Variants in CPAP observed in about 807,000 individuals in gnomAD.
CPAP encodes the protein centrosomal P4.1-associated protein.
At chr13:24,889,234 G>T in the CPAP span, 2 of 959,838 alleles carry the variant, frequency 2.1e-6, no homozygotes. Context: ...CATTTATTAA[G>T]AAATGTTTTA....
the CPAP span, chr13:24,906,182 T>C: frequency 1.2e-6 from 2 of 1,613,838 alleles, no homozygotes; most frequent in Non-Finnish European, 1.7e-6. Flanking sequence ...TGGCACAGCT[T>C]TGACAGGGGT....
the CPAP span, chr13:24,905,991 A>C: frequency 5.6e-6 from 9 of 1,614,114 alleles, no homozygotes; most frequent in Admixed American, 1.7e-5. Context: ...TGATTTTCAG[A>C]AGTGCTCTTT....
the CPAP span, chr13:24,892,858 G>C: frequency 6.3e-7 from 1 of 1,580,604 alleles, no homozygotes; most frequent in Admixed American, 1.7e-5. Context: ...GCTATTTGCT[G>C]TTTTAAAGTC....
the CPAP span, among the ~76,000 whole-genome samples, chr13:24,930,527 G>C: frequency 1.3e-5 from 2 of 152,094 alleles, no homozygotes; most frequent in Non-Finnish European, 2.9e-5. Context: ...TGAGTACCCA[G>C]AGTTTAGCTC....
chr13:24,907,135 G>A, the CPAP span: 6 of 1,613,904 alleles, frequency 3.7e-6, no homozygotes, highest in Non-Finnish European at 5.1e-6. Flanking sequence ...AACTGAATTT[G>A]TTCTTCTAAG....
At chr13:24,906,583 A>G in the CPAP span, 3 of 1,614,114 alleles carry the variant, frequency 1.9e-6, no homozygotes, top group African/African-American at 4.0e-5. Context: ...TCTGGTCTCT[A>G]AACTGCCCAT....
chr13:24,911,972 A>G, the CPAP span: 2 of 1,614,200 alleles, frequency 1.2e-6, no homozygotes, highest in South Asian at 2.2e-5. Context: ...CCCAGACACC[A>G]TGGTGAGCAG....
the CPAP span, among the ~76,000 whole-genome samples, chr13:24,915,640 C>A: frequency 6.6e-6 from 1 of 152,092 alleles, no homozygotes. Context: ...CCCATCTCTA[C>A]TAAAAATACA....
At chr13:24,889,333 T>C in the CPAP span, 4 of 1,610,710 alleles carry the variant, frequency 2.5e-6, no homozygotes, top group Non-Finnish European at 3.4e-6. Flanking sequence ...TGGAAGATAA[T>C]TTTTCTTGTA....
the CPAP span, chr13:24,883,217 T>TTAAC: frequency 6.2e-7 from 1 of 1,614,104 alleles, no homozygotes; most frequent in Non-Finnish European, 8.5e-7. Context: ...CTCCTTGTCC[T>TTAAC]TAACTCTTAT....
the CPAP span, chr13:24,905,946 G>C: frequency 6.2e-7 from 1 of 1,614,104 alleles, no homozygotes; most frequent in Non-Finnish European, 8.5e-7. Flanking sequence ...TCACTATTTG[G>C]AACACCTTCA....
At chr13:24,901,046 G>A in the CPAP span, among the ~76,000 whole-genome samples, 1 of 152,162 alleles carries the variant, frequency 6.6e-6, no homozygotes, top group African/African-American at 2.4e-5. Flanking sequence ...AGGAGATGTG[G>A]GCGAGAGAAC....
chr13:24,884,540 A>G, the CPAP span: 1 of 1,439,794 alleles, frequency 6.9e-7, no homozygotes, highest in Non-Finnish European at 9.8e-7. Flanking sequence ...CCAACTGCCT[A>G]CTTTGAAATT....
the CPAP span, among the ~76,000 whole-genome samples, chr13:24,883,576 A>ATATT: frequency 1.3e-5 from 2 of 152,276 alleles, no homozygotes; most frequent in Admixed American, 6.5e-5. Context: ...TTAATCATTC[A>ATATT]TATTTTCATC....
the CPAP span, among the ~76,000 whole-genome samples, chr13:24,893,036 G>A: frequency 6.6e-6 from 1 of 152,148 alleles, no homozygotes; most frequent in Non-Finnish European, 1.5e-5. Flanking sequence ...GCGGGAGGAG[G>A]GGATCAGAGT....
the CPAP span, chr13:24,912,837 A>C: frequency 6.2e-7 from 1 of 1,614,220 alleles, no homozygotes; most frequent in Non-Finnish European, 8.5e-7. Flanking sequence ...AGCTGAAGCT[A>C]TCAGAAAAAT....
At chr13:24,920,725 A>T in the CPAP span, among the ~76,000 whole-genome samples, 31 of 147,970 alleles carry the variant, frequency 2.1e-4, no homozygotes, top group African/African-American at 7.8e-4. Flanking sequence ...GGTTCAAGCG[A>T]TTCACCCACC....
At chr13:24,901,663 C>T in the CPAP span, among the ~76,000 whole-genome samples, 4 of 152,140 alleles carry the variant, frequency 2.6e-5, no homozygotes, top group Non-Finnish European at 4.4e-5. Context: ...AAGACTAGGG[C>T]GTGCTAATAG....
the CPAP span, chr13:24,922,817 C>A: frequency 6.6e-6 from 1 of 152,562 alleles, no homozygotes; most frequent in Non-Finnish European, 1.5e-5. Flanking sequence ...ATCTCCGCAG[C>A]ATTTACAAAT....
Sources: allele counts gnomAD v4.1 joint callset (sites outside exome capture counted in the v4.1 genomes callset), GRCh38; gene constraint gnomAD v4.1.1; transcripts MANE v1.5; gene names NCBI Gene and HGNC (gene_info 2026-07-23, HGNC 2026-07-21).